Variants in ENOSF1 observed in about 807,000 individuals in gnomAD.
ENOSF1 encodes enolase superfamily member 1.
Under a neutral mutation model 68.2 loss-of-function variants are expected in ENOSF1, and 73 were observed. The observed-to-expected ratio is 1.07, with a 90% confidence interval of 0.89 to 1.30. ENOSF1 has a LOEUF of 1.30. ENOSF1 is among the 50% of genes most tolerant of loss of function. ENOSF1 has a pLI of 0.00. For missense variants in ENOSF1, 589 were observed against 554.5 expected (o/e 1.06, Z -0.62); for synonymous variants, 223 against 210.4 (o/e 1.06, Z -0.52).
chr18:666,909 T>C (rs35338895), downstream of ENOSF1, among the ~76,000 whole-genome samples: 2 of 41,492 alleles, frequency 4.8e-5, no homozygotes, highest in African/African-American at 1.7e-4. Flanking sequence ...ATGGAGATGG[T>C]GATGGTGATG....
At chr18:708,510 T>C (rs527915336) in intron 1 of ENOSF1, among the ~76,000 whole-genome samples, 2 of 151,830 alleles carry the variant, frequency 1.3e-5, no homozygotes, top group East Asian at 3.9e-4. Flanking sequence ...ATCTCTAAAA[T>C]AAATAAATAA....
intron 3 of ENOSF1, among the ~76,000 whole-genome samples, chr18:696,372 C>G (rs560772369): frequency 6.6e-6 from 1 of 151,888 alleles, no homozygotes; most frequent in African/African-American, 2.4e-5. Flanking sequence ...CCACCATGCC[C>G]GGCTAATTTT....
In ENOSF1 at chr18:670,946, C is replaced by T. The variant is rs1330012461; in HGVS notation, c.*3359G>A. ...TTCTTTAATATGGGAAAACAAATTGCAGAGTTTAGTCTCTGATTAGCTTTT... is the reference window on the plus strand; with the variant it reads ...TTCTTTAATATGGGAAAACAAATTGTAGAGTTTAGTCTCTGATTAGCTTTT... On this transcript the variant is annotated 3_prime_UTR_variant, in exon 16 of 16. Transcript: ENST00000647584. 6.6e-7 allele frequency: 1 copy of T among 1,503,946 alleles called. No individual in the cohort carries two copies. The allele number at this position is 1,503,946 out of a possible 1,614,324, so 93.2% of individuals were successfully genotyped here. A position where few individuals can be genotyped will look rare whatever the true frequency, so the allele number is the denominator to read the frequency against.
chr18:699,270 T>C (rs2078067579), intron 2 of ENOSF1, among the ~76,000 whole-genome samples: 1 of 152,056 alleles, frequency 6.6e-6, no homozygotes, highest in African/African-American at 2.4e-5. Context: ...GAGACCAGCC[T>C]GGGCAGTGTG....
At chr18:663,656 C>T in the ENOSF1 span, among the ~76,000 whole-genome samples, 2 of 98,558 alleles carry the variant, frequency 2.0e-5, no homozygotes, top group African/African-American at 5.8e-5. Flanking sequence ...TTAGGTCTAA[C>T]GTTTAAGTCT....
At chr18:690,725 A>AGCTGTTTCCCCTGGAGAGTCCC in intron 7 of ENOSF1, 94 bp from the exon 8 acceptor site, 1 of 1,562,500 alleles carries the variant, frequency 6.4e-7, no homozygotes, top group Non-Finnish European at 8.6e-7. Context: ...TGGAGAGTCC[A>AGCTGTTTCCCCTGGAGAGTCCC]GCTGTTCTCC....
intron 2 of ENOSF1, among the ~76,000 whole-genome samples, chr18:702,042 T>C (rs921094276): frequency 1.3e-5 from 2 of 151,834 alleles, no homozygotes; most frequent in Admixed American, 6.6e-5. Context: ...GGCAGGCGGA[T>C]TGCTTGAGCT....
At chr18:677,220 G>A (rs541306995) in intron 14 of ENOSF1, 125 bp downstream of exon 14, 1 of 753,678 alleles carries the variant, frequency 1.3e-6, no homozygotes, top group African/African-American at 1.8e-5. Context: ...CTCCGCCTGA[G>A]AGTTATAGGA....
chr18:706,429 A>T, intron 2 of ENOSF1, 41 bp downstream of exon 2: 1 of 1,293,714 alleles, frequency 7.7e-7, no homozygotes, highest in Non-Finnish European at 1.1e-6. Context: ...TCTCATCTGA[A>T]AATTAAGCAT....
intron 2 of ENOSF1, among the ~76,000 whole-genome samples, chr18:699,881 A>G (rs2847148): frequency 0.33 from 50,433 of 152,108 alleles, 8,652 homozygotes; most frequent in Non-Finnish European, 0.37. Context: ...AGAGTTTGAG[A>G]CCAGCTTGGC....
Position 673,906 on chromosome 18 carries a change from A to T in ENOSF1, c.*399T>A, listed in dbSNP as rs888321043. 6.5e-6 allele frequency: 1 copy of T among 154,864 alleles called. No homozygotes were observed. The highest frequency in any genetic ancestry group is 1.4e-5 in the Non-Finnish European group (1 of 70,164). The allele number at this position is 154,864 out of a possible 1,614,324, so 9.6% of individuals were successfully genotyped here. ...TTTTTCCCTTCGTTGCATACCAGAT[A>T]CCCCCGGTGTTGCACGACTATTTTT... On this transcript the variant is annotated 3_prime_UTR_variant, in exon 16 of 16. Transcript: ENST00000647584.
chr18:675,379 A>G lies in ENOSF1; in HGVS notation c.1172T>C (p.Leu391Pro). Reference protein sequence around the residue: ...ENRVCEYVDHLHEHFKYPVMI... With the variant: ...ENRVCEYVDHPHEHFKYPVMI... The stretch of plus-strand genomic sequence containing the variant: ...CACGGGATACTTGAAATGCTCATGC[A>G]GGTGGTCAACATACTCACACACCCT... The change falls in exon 15 of 16, where the codon CTG becomes CCG. Residue 391 changes from leucine (L) to proline (P), a missense_variant. By Grantham distance (98) the Leu-to-Pro change is moderately conservative. Transcript: ENST00000647584. The G allele has an allele frequency of 6.2e-7, 1 of 1,613,114 alleles. No individual in the cohort carries two copies.
intron 2 of ENOSF1, among the ~76,000 whole-genome samples, chr18:705,987 C>T (rs1419925446): frequency 2.6e-5 from 4 of 151,776 alleles, no homozygotes; most frequent in Admixed American, 6.6e-5. Context: ...CCAGCCTGGG[C>T]GACAGAGTGA....
intron 8 of ENOSF1, among the ~76,000 whole-genome samples, chr18:688,849 G>A (rs1003349577): frequency 7.2e-5 from 11 of 152,130 alleles, no homozygotes; most frequent in Non-Finnish European, 4.4e-5. Context: ...CAACCTTCCC[G>A]GAAGGGGAAG....
downstream of ENOSF1, among the ~76,000 whole-genome samples, chr18:667,280 GGA>G (rs1395509929): frequency 9.2e-5 from 1 of 10,908 alleles, no homozygotes; most frequent in Non-Finnish European, 1.6e-4. Context: ...GATGGTGATG[GGA>G]TGGTGATGGA....
chr18:666,888 GGGAGATGGTGAT>G (rs138881427), downstream of ENOSF1, among the ~76,000 whole-genome samples: 6,325 of 90,696 alleles, frequency 0.07, 971 homozygotes, highest in East Asian at 0.11. Context: ...GAAAAAGTTC[GGGAGATGGTGAT>G]GGAGATGGTG....
intron 15 of ENOSF1, 61 bp from the exon 16 acceptor site, chr18:674,467 T>G: frequency 9.8e-7 from 1 of 1,019,940 alleles, no homozygotes; most frequent in South Asian, 1.4e-5. Flanking sequence ...ACAGATTTTA[T>G]GCATTTATGC....
chr18:663,874 A>C, the ENOSF1 span, among the ~76,000 whole-genome samples: 1 of 110,382 alleles, frequency 9.1e-6, no homozygotes, highest in Non-Finnish European at 1.8e-5. Context: ...CCATTGATCT[A>C]TATGTCTGTT....
chr18:683,534 A>G, intron 10 of ENOSF1, 154 bp from the exon 11 acceptor site: 4 of 787,496 alleles, frequency 5.1e-6, no homozygotes, highest in Non-Finnish European at 8.0e-6. Flanking sequence ...CGGCCCTAAC[A>G]AAAAGAGCCA....
Sources: allele counts gnomAD v4.1 joint callset (sites outside exome capture counted in the v4.1 genomes callset), GRCh38; gene constraint gnomAD v4.1.1; transcripts MANE v1.5; gene names NCBI Gene and HGNC (gene_info 2026-07-23, HGNC 2026-07-21).